Variants in GRID2 observed in about 807,000 individuals in gnomAD.
The protein encoded by GRID2 is glutamate ionotropic receptor delta type subunit 2.
GRID2 carries 33 observed loss-of-function variants against 114.8 expected under a neutral mutation model. The observed-to-expected ratio is 0.29, with a 90% CI of 0.22 to 0.38. GRID2 has a LOEUF of 0.38. Ranked by LOEUF, GRID2 falls within the 10% of genes least tolerant of loss-of-function variation. The probability of loss-of-function intolerance (pLI) is 1.00; values close to 1 mark genes in which losing one functional copy is unlikely to be tolerated. For missense variants in GRID2, 1,184 were observed against 1,257.7 expected (o/e 0.94, Z 0.89); for synonymous variants, 505 against 449.9 (o/e 1.12, Z -1.55).
intron 2 of GRID2, among the ~76,000 whole-genome samples, chr4:92,655,250 T>C (rs1475268932): frequency 6.6e-6 from 1 of 151,922 alleles, no homozygotes; most frequent in Non-Finnish European, 1.5e-5. Flanking sequence ...TTTGTCAAAC[T>C]TTATACCAAT....
intron 2 of GRID2, among the ~76,000 whole-genome samples, chr4:92,871,885 G>T (rs911378091): frequency 1.7e-4 from 26 of 152,058 alleles, no homozygotes; most frequent in Admixed American, 1.6e-3. Context: ...ACCTTGAGGG[G>T]CTCTTTTTCC....
intron 1 of GRID2, among the ~76,000 whole-genome samples, chr4:92,541,078 G>C (rs865874809): frequency 2.4e-4 from 36 of 152,026 alleles, no homozygotes; most frequent in African/African-American, 8.2e-4. Context: ...TCACTCATAG[G>C]TGGGAATTGA....
intron 4 of GRID2, among the ~76,000 whole-genome samples, chr4:93,125,906 C>T (rs1371515749): frequency 1.3e-5 from 2 of 152,186 alleles, no homozygotes; most frequent in African/African-American, 2.4e-5. Context: ...GACAGGCATC[C>T]TTTCTCATGG....
intron 1 of GRID2, among the ~76,000 whole-genome samples, chr4:92,416,611 C>T (rs1441471779): frequency 2.0e-5 from 3 of 152,134 alleles, no homozygotes; most frequent in Non-Finnish European, 4.4e-5. Flanking sequence ...CAGCTCTATT[C>T]TCCTACATGT....
At chr4:93,562,052 C>A (rs868766715) in intron 13 of GRID2, among the ~76,000 whole-genome samples, 2 of 152,046 alleles carry the variant, frequency 1.3e-5, no homozygotes, top group Admixed American at 6.6e-5. Context: ...CCAAGGAGTG[C>A]AATTGCTGAA....
chr4:93,725,267 A>G (rs1424714547), intron 14 of GRID2, among the ~76,000 whole-genome samples: 2 of 152,128 alleles, frequency 1.3e-5, no homozygotes, highest in Non-Finnish European at 2.9e-5. Flanking sequence ...GTTTGCTGAG[A>G]ATGATGGTTT....
intron 2 of GRID2, among the ~76,000 whole-genome samples, chr4:93,055,449 G>C (rs1389128965): frequency 6.6e-6 from 1 of 151,400 alleles, no homozygotes. Context: ...CAGTGCACCA[G>C]CATGGCACAT....
At chr4:92,346,682 C>T (rs1170668456) in intron 1 of GRID2, among the ~76,000 whole-genome samples, 2 of 152,106 alleles carry the variant, frequency 1.3e-5, no homozygotes, top group Non-Finnish European at 2.9e-5. Context: ...AATACAATAT[C>T]AGGGAGAAAA....
rs530859320 is a variant in GRID2 at position 92,628,886 on chromosome 4, T to C, written c.244+38600T>C. On this transcript the variant is annotated intron_variant, in intron 2 of 15. Transcript: ENST00000282020. The stretch of plus-strand genomic sequence containing the variant: ...AATCACTTGAAATCTTTTATTTTCT[T>C]TTAATCATTTTCCTTTCACTTTTTC... Among the ~76,000 whole-genome samples the C allele has an allele frequency of 2.0e-5, 3 of 152,232 alleles. No individual in the cohort carries two copies. The South Asian group carries it at 6.2e-4, about 32-fold the overall frequency.
intron 2 of GRID2, among the ~76,000 whole-genome samples, chr4:93,074,564 T>G (rs1427937919): frequency 1.3e-5 from 2 of 152,232 alleles, no homozygotes; most frequent in African/African-American, 4.8e-5. Context: ...GGTCTAAAAT[T>G]GACAATCACA....
rs527449642 is a variant in GRID2 at position 92,935,818 on chromosome 4, A to G, written c.245-149177A>G. Among the ~76,000 whole-genome samples, 181 of 133,826 alleles carry G rather than the reference A, an allele frequency of 1.4e-3. 8 individuals carry two copies. Among genetic ancestry groups the G allele is most frequent in the Admixed American group, 4.8e-3 (54 of 11,188 alleles). The allele number at this position is 133,826 out of a possible 152,430, so 87.8% of individuals were successfully genotyped here. On this transcript the variant is annotated intron_variant, in intron 2 of 15. Coordinates refer to ENST00000282020, the MANE Select transcript of GRID2 (RefSeq NM_001510.4). ...CCAAACACTGCATGTTCTCACTCAT[A>G]GGTGGGAATTGAATAATGAGAACAC...
At chr4:93,295,960 T>C (rs936135779) in intron 8 of GRID2, among the ~76,000 whole-genome samples, 1 of 152,210 alleles carries the variant, frequency 6.6e-6, no homozygotes, top group Admixed American at 6.5e-5. Context: ...CAGATTTTTA[T>C]TTTGGAATAG....
In GRID2 at chr4:93,275,809, C is replaced by T. The variant is rs187187715; in HGVS notation, c.1245+37319C>T. Among the ~76,000 whole-genome samples the T allele has an allele frequency of 5.0e-3, 753 of 151,698 alleles. 10 individuals are homozygous for T. The highest frequency in any genetic ancestry group is 0.018 in the African/African-American group (726 of 41,446). The stretch of plus-strand genomic sequence containing the variant: ...TTCAAATTTTTCGATCATTTTAAAT[C>T]GGGTTATTTTTCTATATTTTTAGGT... On this transcript the variant is annotated intron_variant, in intron 8 of 15. Transcript: ENST00000282020.
At chr4:92,313,203 T>C (rs1368113707) in intron 1 of GRID2, among the ~76,000 whole-genome samples, 1 of 151,986 alleles carries the variant, frequency 6.6e-6, no homozygotes, top group Non-Finnish European at 1.5e-5. Flanking sequence ...TTAGAGACTA[T>C]TATTCTAAGT....
At chr4:93,067,636 T>G (rs561126449) in intron 2 of GRID2, among the ~76,000 whole-genome samples, 1 of 152,154 alleles carries the variant, frequency 6.6e-6, no homozygotes, top group South Asian at 2.1e-4. Context: ...CACTTATGAT[T>G]ACCCTATTTT....
At chr4:93,424,953 C>T (rs1768692858) in intron 10 of GRID2, among the ~76,000 whole-genome samples, 1 of 152,024 alleles carries the variant, frequency 6.6e-6, no homozygotes, top group African/African-American at 2.4e-5. Context: ...TTGTTAAGTC[C>T]TTTCAGTAGC....
intron 2 of GRID2, among the ~76,000 whole-genome samples, chr4:93,039,521 A>G (rs1029806489): frequency 3.9e-5 from 6 of 152,064 alleles, no homozygotes; most frequent in Non-Finnish European, 5.9e-5. Context: ...TATATTACAT[A>G]TCTGTCCTCA....
intron 1 of GRID2, among the ~76,000 whole-genome samples, chr4:92,516,985 G>A (rs768628501): frequency 4.6e-5 from 7 of 151,872 alleles, no homozygotes; most frequent in Non-Finnish European, 7.4e-5. Flanking sequence ...TTAACAAGGT[G>A]GTAAGAAATC....
chr4:92,746,649 T>G (rs1442110277), intron 2 of GRID2, among the ~76,000 whole-genome samples: 1 of 152,160 alleles, frequency 6.6e-6, no homozygotes, highest in African/African-American at 2.4e-5. Flanking sequence ...CTTTACGTAC[T>G]TACAGAATGT....
Sources: allele counts gnomAD v4.1 joint callset (sites outside exome capture counted in the v4.1 genomes callset), GRCh38; gene constraint gnomAD v4.1.1; transcripts MANE v1.5; gene names NCBI Gene and HGNC (gene_info 2026-07-23, HGNC 2026-07-21).